The following FBLN2 variants were observed in gnomAD, a reference collection of about 807,000 sequenced individuals.
FBLN2 encodes fibulin-2.
FBLN2 carries 81 observed loss-of-function variants against 123.7 expected under a neutral mutation model. The observed-to-expected ratio is 0.65, with a 90% CI of 0.55 to 0.79. The LOEUF is 0.79. Among genes scored for constraint, FBLN2 ranks in the 30% least tolerant of loss-of-function variants. FBLN2 has a pLI of 0.00. For missense variants in FBLN2, 1,603 were observed against 1,681.3 expected (o/e 0.95, Z 0.81); for synonymous variants, 699 against 701.4 (o/e 1.00, Z 0.05).
At chr3:13,572,089 C>A (rs1248644109) in intron 2 of FBLN2, among the ~76,000 whole-genome samples, 2 of 152,370 alleles carry the variant, frequency 1.3e-5, no homozygotes, top group South Asian at 2.1e-4. Context: ...AGCATGGCCA[C>A]CTCTGCCAAT....
intron 4 of FBLN2, among the ~76,000 whole-genome samples, chr3:13,609,917 G>A (rs967007858): frequency 2.0e-4 from 30 of 152,220 alleles, no homozygotes; most frequent in African/African-American, 6.3e-4. Flanking sequence ...GGCAATTCCC[G>A]CCCTCCCAGG....
At chr3:13,574,384 C>T (rs537963541) in intron 2 of FBLN2, among the ~76,000 whole-genome samples, 1 of 152,348 alleles carries the variant, frequency 6.6e-6, no homozygotes, top group South Asian at 2.1e-4. Context: ...CCGTGTGGCC[C>T]TCCATTGTGC....
chr3:13,560,029 C>T (rs1559398024), intron 1 of FBLN2, among the ~76,000 whole-genome samples: 1 of 152,194 alleles, frequency 6.6e-6, no homozygotes, highest in Non-Finnish European at 1.5e-5. Flanking sequence ...AGTGTTTCCT[C>T]TTTGCAGAGG....
intron 2 of FBLN2, among the ~76,000 whole-genome samples, chr3:13,589,373 G>A (rs1704601091): frequency 6.6e-6 from 1 of 152,096 alleles, no homozygotes; most frequent in Non-Finnish European, 1.5e-5. Context: ...CAAATACTAT[G>A]GGGTCTCACA....
chr3:13,591,700 C>T (rs778703613), intron 2 of FBLN2, among the ~76,000 whole-genome samples: 3 of 152,150 alleles, frequency 2.0e-5, no homozygotes, highest in Non-Finnish European at 4.4e-5. Context: ...TGAGAGTTTT[C>T]CAGCATTGTT....
chr3:13,571,008 C>T lies in FBLN2; in HGVS notation c.653C>T (p.Ala218Val), dbSNP rs200074635. 49 of 1,597,792 alleles carry T rather than the reference C, an allele frequency of 3.1e-5. No individual in the cohort carries two copies. The highest frequency in any genetic ancestry group is 3.8e-5 in the Non-Finnish European group (44 of 1,172,556). Residue 218 changes from alanine (A) to valine (V), a missense_variant, in exon 2 of 18, where the codon GCG becomes GTG. Physicochemically the swap from Ala to Val is moderately conservative, Grantham distance 64 (BLOSUM62 0). Transcript: ENST00000404922. ...ACAGCCCTGGGGGGTGAGGTCCAGGCGGGTGCAGTCCAGGCAGGCGCAGGG... is the reference window on the plus strand; with the variant it reads ...ACAGCCCTGGGGGGTGAGGTCCAGGTGGGTGCAGTCCAGGCAGGCGCAGGG... ...AATALGGEVQAGAVQAGAGGP... is the reference protein window; with the variant it reads ...AATALGGEVQVGAVQAGAGGP...
intron 1 of FBLN2, among the ~76,000 whole-genome samples, chr3:13,563,635 C>T (rs1411843067): frequency 6.6e-6 from 1 of 152,220 alleles, no homozygotes; most frequent in Admixed American, 6.5e-5. Flanking sequence ...TGGGGAGCCC[C>T]GTCTAAGACA....
chr3:13,554,989 G>A (rs1222043441), intron 1 of FBLN2, among the ~76,000 whole-genome samples: 1 of 139,366 alleles, frequency 7.2e-6, no homozygotes, highest in African/African-American at 2.7e-5. Context: ...ATTTTACTCT[G>A]TCACCCAGGC....
At chr3:13,555,169 C>G (rs2125031480) in intron 1 of FBLN2, among the ~76,000 whole-genome samples, 1 of 152,076 alleles carries the variant, frequency 6.6e-6, no homozygotes, top group South Asian at 2.1e-4. Context: ...CCAGGCTGGT[C>G]TCAAACTCCT....
chr3:13,555,868 A>G (rs1703451032), intron 1 of FBLN2, among the ~76,000 whole-genome samples: 1 of 152,208 alleles, frequency 6.6e-6, no homozygotes, highest in Non-Finnish European at 1.5e-5. Context: ...TCGCGGGGAC[A>G]TTTCCTCACA....
intron 2 of FBLN2, among the ~76,000 whole-genome samples, chr3:13,594,769 C>T (rs1401109766): frequency 6.6e-5 from 10 of 152,126 alleles, no homozygotes; most frequent in Admixed American, 6.5e-4. Flanking sequence ...CACAGAGGGA[C>T]CCCAGAGCCC....
intron 2 of FBLN2, among the ~76,000 whole-genome samples, chr3:13,603,618 T>G (rs1448353790): frequency 6.6e-6 from 1 of 152,196 alleles, no homozygotes; most frequent in Non-Finnish European, 1.5e-5. Context: ...TGCCACATTT[T>G]CTTAATCCAG....
intron 1 of FBLN2, among the ~76,000 whole-genome samples, chr3:13,551,804 T>C (rs1269357786): frequency 6.6e-6 from 1 of 151,530 alleles, no homozygotes; most frequent in Non-Finnish European, 1.5e-5. Context: ...TCTCCCAAAG[T>C]GCTGGGATTA....
intron 1 of FBLN2, among the ~76,000 whole-genome samples, chr3:13,552,114 A>T (rs1703340139): frequency 6.6e-6 from 1 of 152,026 alleles, no homozygotes; most frequent in South Asian, 2.1e-4. Flanking sequence ...ATTGGGTGTG[A>T]TGAGGAGCTG....
chr3:13,606,924 A>G (rs1476143028), intron 2 of FBLN2, among the ~76,000 whole-genome samples: 1 of 152,094 alleles, frequency 6.6e-6, no homozygotes, highest in East Asian at 1.9e-4. Flanking sequence ...AAGTGCTGGG[A>G]TTACAGGCAT....
intron 2 of FBLN2, 101 bp downstream of exon 2, chr3:13,571,762 G>A: frequency 2.2e-6 from 3 of 1,382,594 alleles, no homozygotes; most frequent in Non-Finnish European, 2.9e-6. Context: ...GGGGATGCTG[G>A]ACTGTGGGGC....
intron 1 of FBLN2, among the ~76,000 whole-genome samples, chr3:13,554,285 G>C (rs1337098443): frequency 2.0e-5 from 3 of 152,192 alleles, no homozygotes; most frequent in African/African-American, 4.8e-5. Flanking sequence ...CATCATCTGT[G>C]TTGGGGCCAG....
At chr3:13,590,786 C>T (rs1208460643) in intron 2 of FBLN2, among the ~76,000 whole-genome samples, 1 of 152,172 alleles carries the variant, frequency 6.6e-6, no homozygotes, top group Non-Finnish European at 1.5e-5. Context: ...CCTTATGATT[C>T]CATTGTAGGA....
chr3:13,587,060 G>A (rs1574963126), intron 2 of FBLN2, among the ~76,000 whole-genome samples: 1 of 150,238 alleles, frequency 6.7e-6, no homozygotes, highest in Admixed American at 6.6e-5. Flanking sequence ...TAGGAGAATC[G>A]CTTGAGCCCG....
Sources: allele counts gnomAD v4.1 joint callset (sites outside exome capture counted in the v4.1 genomes callset), GRCh38; gene constraint gnomAD v4.1.1; transcripts MANE v1.5; gene names NCBI Gene and HGNC (gene_info 2026-07-23, HGNC 2026-07-21).